The following USP48 variants were observed in gnomAD, a reference collection of about 807,000 sequenced individuals.
The protein encoded by USP48 is ubiquitin specific peptidase 48, also known as ubiquitin carboxyl-terminal hydrolase 48.
Under a neutral mutation model 150.7 loss-of-function variants are expected in USP48, and 43 were observed. The observed-to-expected ratio is 0.29, with a 90% CI of 0.22 to 0.37. The LOEUF (loss-of-function observed/expected upper bound fraction) is 0.37, where lower values mean the gene tolerates loss of function less well. Ranked by LOEUF, USP48 falls within the 10% of genes least tolerant of loss-of-function variation. USP48 has a pLI of 1.00. For synonymous variants in USP48, 396 were observed against 425.9 expected (o/e 0.93, Z 0.86); for missense variants, 813 against 1,249.6 (o/e 0.65, Z 5.27).
chr1:21,706,055 G>C (rs1280031434), intron 18 of USP48, 71 bp downstream of exon 18: 4 of 1,497,930 alleles, frequency 2.7e-6, no homozygotes, highest in Admixed American at 3.5e-5. Context: ...CAGAATCCAC[G>C]ATATCTTAAA....
chr1:21,708,097 G>A (rs1334998760), intron 15 of USP48, among the ~76,000 whole-genome samples: 5 of 152,196 alleles, frequency 3.3e-5, no homozygotes, highest in African/African-American at 7.2e-5. Flanking sequence ...AGGAGGCAGA[G>A]GTGGCAGTGA....
intron 9 of USP48, among the ~76,000 whole-genome samples, chr1:21,734,671 T>C (rs2097764731): frequency 1.3e-5 from 2 of 152,344 alleles, no homozygotes; most frequent in South Asian, 4.1e-4. Flanking sequence ...CAAAGCTGTT[T>C]AGCACTTTCT....
chr1:21,730,372 G>A (rs2097753688), intron 9 of USP48, among the ~76,000 whole-genome samples: 2 of 151,344 alleles, frequency 1.3e-5, no homozygotes, highest in Non-Finnish European at 2.9e-5. Context: ...AACCCAGGAG[G>A]CAGAGGTTGC....
chr1:21,687,506 C>T (rs1375822746), intron 24 of USP48, among the ~76,000 whole-genome samples: 1 of 152,122 alleles, frequency 6.6e-6, no homozygotes, highest in Non-Finnish European at 1.5e-5. Context: ...CTTAAAGACA[C>T]CTTTAGACAT....
chr1:21,729,648 T>G, intron 10 of USP48, 56 bp downstream of exon 10: 1 of 1,580,684 alleles, frequency 6.3e-7, no homozygotes, highest in Non-Finnish European at 8.6e-7. Flanking sequence ...ATCATTAATC[T>G]TTGAGTATGG....
intron 1 of USP48, among the ~76,000 whole-genome samples, chr1:21,760,433 A>G (rs1472798627): frequency 1.3e-5 from 2 of 152,198 alleles, no homozygotes; most frequent in Non-Finnish European, 2.9e-5. Flanking sequence ...ATAAAAAGGT[A>G]GGCCGGGCAC....
intron 9 of USP48, among the ~76,000 whole-genome samples, chr1:21,735,584 CTA>C (rs959289959): frequency 6.6e-6 from 1 of 152,178 alleles, no homozygotes; most frequent in African/African-American, 2.4e-5. Flanking sequence ...AACCCTGTCT[CTA>C]TTAAAAATAG....
Position 21,721,162 on chromosome 1 carries a change from C to A in USP48, c.1768G>T (p.Asp590Tyr). ...NLLKAAVKGS[D>Y]GFWVGKSSLR... Reference sequence around the variant, plus strand: ...GAGGACTTCCCCACCCAAAATCCATCGCTGCTGTGGAACAGAGAGAATGTT... The same window carrying A: ...GAGGACTTCCCCACCCAAAATCCATAGCTGCTGTGGAACAGAGAGAATGTT... The change falls in exon 14 of 27, where the codon GAT becomes TAT. Residue 590 changes from aspartate to tyrosine, a missense_variant. Transcript: ENST00000308271. 1.2e-6 allele frequency: 2 copies of A among 1,614,178 alleles called. No homozygotes were observed. Among genetic ancestry groups the A allele is most frequent in the African/African-American group, 2.7e-5 (2 of 75,078 alleles).
chr1:21,688,067 A>G (rs753282437), intron 24 of USP48, among the ~76,000 whole-genome samples: 7 of 152,210 alleles, frequency 4.6e-5, no homozygotes, highest in Non-Finnish European at 8.8e-5. Context: ...TTCAAAATAA[A>G]AAACCTGAAC....
intron 19 of USP48, among the ~76,000 whole-genome samples, 159 bp downstream of exon 19, chr1:21,705,565 GTCT>G (rs996483914): frequency 1.8e-4 from 28 of 152,148 alleles, no homozygotes; most frequent in South Asian, 1.2e-3. Context: ...TGGAGAAGCA[GTCT>G]TCTTCTCTTT....
intron 8 of USP48, among the ~76,000 whole-genome samples, chr1:21,745,154 T>C (rs1216125117): frequency 6.6e-6 from 1 of 152,198 alleles, no homozygotes; most frequent in Non-Finnish European, 1.5e-5. Context: ...CAAAAGTTAA[T>C]TGTTTTTAGT....
intron 15 of USP48, among the ~76,000 whole-genome samples, chr1:21,709,179 C>T (rs1036376930): frequency 1.3e-5 from 2 of 152,108 alleles, no homozygotes; most frequent in African/African-American, 4.8e-5. Context: ...AGCCACTATG[C>T]CTGGTCCCTA....
At chr1:21,727,850 A>AT in intron 11 of USP48, 1 of 971,010 alleles carries the variant, frequency 1.0e-6, no homozygotes, top group Non-Finnish European at 1.2e-6. Context: ...CACAAGTACA[A>AT]TTATGCTTAA....
At chr1:21,715,056 T>C (rs2097700561) in intron 15 of USP48, 3 of 219,596 alleles carry the variant, frequency 1.4e-5, no homozygotes. Context: ...AGAGATCTTG[T>C]TGCACAGATA....
intron 1 of USP48, among the ~76,000 whole-genome samples, chr1:21,776,592 CAA>C (rs59309344): frequency 7.3e-3 from 422 of 57,974 alleles, no homozygotes; most frequent in African/African-American, 0.019. Flanking sequence ...TGTCTTGTCT[CAA>C]AAAAAAAAAA....
intron 3 of USP48, among the ~76,000 whole-genome samples, chr1:21,754,116 G>A (rs913913725): frequency 6.6e-6 from 1 of 150,508 alleles, no homozygotes; most frequent in African/African-American, 2.4e-5. Context: ...AGCCAAGATT[G>A]TGCCACTGCA....
intron 1 of USP48, among the ~76,000 whole-genome samples, chr1:21,762,389 T>C (rs17424740): frequency 6.6e-6 from 1 of 152,146 alleles, no homozygotes; most frequent in African/African-American, 2.4e-5. Flanking sequence ...TTACAGCTAG[T>C]GGCAATGGAC....
At chr1:21,680,460 C>T (rs1415008070) in intron 26 of USP48, among the ~76,000 whole-genome samples, 12 of 152,168 alleles carry the variant, frequency 7.9e-5, no homozygotes, top group Admixed American at 7.9e-4. Flanking sequence ...CACTGTTTTG[C>T]TCTAGGAGGG....
intron 8 of USP48, among the ~76,000 whole-genome samples, chr1:21,740,156 C>T (rs1331589742): frequency 6.6e-6 from 1 of 152,204 alleles, no homozygotes; most frequent in African/African-American, 2.4e-5. Flanking sequence ...GGTGATCCAC[C>T]CGCCTTGGCC....
Sources: allele counts gnomAD v4.1 joint callset (sites outside exome capture counted in the v4.1 genomes callset), GRCh38; gene constraint gnomAD v4.1.1; transcripts MANE v1.5; gene names NCBI Gene and HGNC (gene_info 2026-07-23, HGNC 2026-07-21).